Variants in COL11A1 observed in about 807,000 individuals in gnomAD.
COL11A1 encodes the protein collagen type XI alpha 1 chain.
In COL11A1, 74 loss-of-function variants were observed where a neutral mutation model predicts 265.2. The ratio of observed to expected loss-of-function variants is 0.28; its 90% confidence interval spans 0.23 to 0.34. The LOEUF (loss-of-function observed/expected upper bound fraction) is 0.34, where lower values mean the gene tolerates loss of function less well. COL11A1 is among the 10% of genes least tolerant of loss of function. COL11A1 has a pLI of 1.00. For synonymous variants in COL11A1, 816 were observed against 727.6 expected (o/e 1.12, Z -1.96); for missense variants, 2,165 against 2,263.6 (o/e 0.96, Z 0.88).
At chr1:102,989,716 C>T in intron 28 of COL11A1, 145 bp from the exon 29 acceptor site, 1 of 487,144 alleles carries the variant, frequency 2.1e-6, no homozygotes, top group African/African-American at 2.0e-5. Context: ...TTCCTCCTCC[C>T]TTTTCCAACT....
intron 4 of COL11A1, among the ~76,000 whole-genome samples, chr1:103,039,564 C>T (rs371809042): frequency 3.3e-5 from 5 of 151,990 alleles, no homozygotes; most frequent in African/African-American, 1.2e-4. Context: ...GAGAAGACAA[C>T]CATTTCCAAG....
chr1:102,903,912 G>A lies in COL11A1; in HGVS notation c.4087-4918C>T, dbSNP rs945978017. Among the ~76,000 whole-genome samples, 35 of 152,266 alleles carry A rather than the reference G, an allele frequency of 2.3e-4. 1 individual carries two copies. The highest frequency in any genetic ancestry group is 1.0e-4 in the Non-Finnish European group (7 of 68,022). ...GGGTCTCACTCAGTTGCTCAGGCTGGACAGCAGTGGTGCTATCTTGGCTCA... is the reference window on the plus strand; with the variant it reads ...GGGTCTCACTCAGTTGCTCAGGCTGAACAGCAGTGGTGCTATCTTGGCTCA... On this transcript the variant is annotated intron_variant, in intron 54 of 66. Transcript: ENST00000370096.
intron 26 of COL11A1, 143 bp from the exon 27 acceptor site, chr1:102,996,185 C>G (rs565608463): frequency 1.0e-5 from 8 of 785,644 alleles, no homozygotes; most frequent in Middle Eastern, 3.8e-4. Context: ...GTAGTTTACT[C>G]TTTATTTCTA....
intron 4 of COL11A1, among the ~76,000 whole-genome samples, chr1:103,057,681 C>A (rs1376776278): frequency 6.6e-6 from 1 of 152,204 alleles, no homozygotes; most frequent in Non-Finnish European, 1.5e-5. Flanking sequence ...TACACATCTA[C>A]ATCAGAGATC....
chr1:103,070,374 T>A (rs967234769), intron 4 of COL11A1, among the ~76,000 whole-genome samples: 1 of 151,590 alleles, frequency 6.6e-6, no homozygotes, highest in Non-Finnish European at 1.5e-5. Context: ...AAAGTTGTTT[T>A]TAAATATTTG....
chr1:102,943,452 TACAC>T (rs199996712), intron 42 of COL11A1, among the ~76,000 whole-genome samples: 442 of 79,428 alleles, frequency 5.6e-3, no homozygotes, highest in Middle Eastern at 9.8e-3. Context: ...CACACACACA[TACAC>T]ACACACACAC....
chr1:103,075,203 A>T (rs942787627), intron 3 of COL11A1, among the ~76,000 whole-genome samples: 1 of 152,174 alleles, frequency 6.6e-6, no homozygotes, highest in African/African-American at 2.4e-5. Context: ...CGCTCTAGTG[A>T]TCCCCTGAGA....
At chr1:103,070,238 ATAT>A (rs1299510469) in intron 4 of COL11A1, among the ~76,000 whole-genome samples, 2 of 138,604 alleles carry the variant, frequency 1.4e-5, no homozygotes, top group South Asian at 2.4e-4. Context: ...AATAATAATA[ATAT>A]TAAATACAAT....
At chr1:102,926,954 C>T (rs1372853301) in intron 46 of COL11A1, among the ~76,000 whole-genome samples, 1 of 151,984 alleles carries the variant, frequency 6.6e-6, no homozygotes, top group Non-Finnish European at 1.5e-5. Context: ...TTTTTGCACT[C>T]TCCAAGTTTA....
intron 28 of COL11A1, among the ~76,000 whole-genome samples, chr1:102,989,957 G>A (rs187661310): frequency 2.6e-4 from 39 of 152,164 alleles, no homozygotes; most frequent in Admixed American, 5.9e-4. Context: ...AGGCGGAGGC[G>A]GGCAGATTAT....
chr1:103,028,034 T>C (rs1376936566), intron 5 of COL11A1, among the ~76,000 whole-genome samples: 1 of 151,974 alleles, frequency 6.6e-6, no homozygotes, highest in Non-Finnish European at 1.5e-5. Context: ...TTTGTTTTGT[T>C]TTGTTTTGTT....
intron 46 of COL11A1, among the ~76,000 whole-genome samples, chr1:102,933,163 G>A (rs929498917): frequency 2.0e-5 from 3 of 149,602 alleles, no homozygotes; most frequent in Admixed American, 6.7e-5. Context: ...AGGAGGAGAG[G>A]TGCTCTGCTT....
At chr1:102,934,301 T>A (rs921188421) in intron 46 of COL11A1, 148 bp downstream of exon 46, 7 of 640,352 alleles carry the variant, frequency 1.1e-5, no homozygotes, top group Non-Finnish European at 1.9e-5. Context: ...AGCTGCTCAT[T>A]TAAAAATAAA....
intron 46 of COL11A1, among the ~76,000 whole-genome samples, 165 bp downstream of exon 46, chr1:102,934,284 C>T (rs973838775): frequency 1.3e-5 from 2 of 152,140 alleles, no homozygotes; most frequent in African/African-American, 4.8e-5. Flanking sequence ...AAAATGATTT[C>T]AAGTTCAGCT....
chr1:103,085,149 C>G (rs1672749880), intron 1 of COL11A1, among the ~76,000 whole-genome samples: 1 of 152,158 alleles, frequency 6.6e-6, no homozygotes, highest in Non-Finnish European at 1.5e-5. Context: ...ATGATGAGCT[C>G]TGAGTGCTTT....
chr1:102,975,600 C>A (rs1662392919), intron 35 of COL11A1, among the ~76,000 whole-genome samples: 1 of 152,026 alleles, frequency 6.6e-6, no homozygotes, highest in East Asian at 1.9e-4. Context: ...TTAAAAAGTG[C>A]ATAAAGTCCC....
chr1:103,057,499 T>A (rs973875558), intron 4 of COL11A1, among the ~76,000 whole-genome samples: 2 of 152,332 alleles, frequency 1.3e-5, no homozygotes, highest in Admixed American at 1.3e-4. Flanking sequence ...GAATCTTTTC[T>A]AGAAAGTTTC....
At position 102,886,999 on chromosome 1, in the gene COL11A1, T is replaced by C; in HGVS notation, c.4666A>G (p.Arg1556Gly). 1 of 1,613,960 alleles carries C rather than the reference T, an allele frequency of 6.2e-7. No homozygotes were observed. The highest frequency in any genetic ancestry group is 1.1e-5 in the South Asian group (1 of 91,082). The change falls in exon 63 of 67, where the codon AGA (arginine) becomes GGA (glycine). Residue 1556 changes from arginine (R) to glycine (G), a missense_variant. By Grantham distance (125) the Arg-to-Gly change is moderately radical. Coordinates refer to ENST00000370096, the MANE Select transcript of COL11A1 (RefSeq NM_001854.4). ...LPILSSKKTR[R>G]HTEGMQADAD... ...TCTGCTTGCATGCCTTCAGTATGTCTTCTCGTTTTTTTGGAGGACAAGATT... is the reference window on the plus strand; with the variant it reads ...TCTGCTTGCATGCCTTCAGTATGTCCTCTCGTTTTTTTGGAGGACAAGATT...
At chr1:102,887,242 TTGG>T (rs1274566666) in intron 62 of COL11A1, among the ~76,000 whole-genome samples, 186 bp from the exon 63 acceptor site, 7 of 152,270 alleles carry the variant, frequency 4.6e-5, no homozygotes, top group African/African-American at 7.2e-5. Context: ...TATGATGAAC[TTGG>T]TGGAGATATT....
Sources: allele counts gnomAD v4.1 joint callset (sites outside exome capture counted in the v4.1 genomes callset), GRCh38; gene constraint gnomAD v4.1.1; transcripts MANE v1.5; gene names NCBI Gene and HGNC (gene_info 2026-07-23, HGNC 2026-07-21).